IL1RN: variants seen among roughly 807,000 people sequenced by gnomAD.
The protein encoded by IL1RN is interleukin 1 receptor antagonist.
A neutral mutation model predicts 13.7 loss-of-function variants in IL1RN; 10 were observed. The observed-to-expected ratio is 0.73, with a 90% CI of 0.45 to 1.24. The LOEUF (loss-of-function observed/expected upper bound fraction) is 1.24. Ranked by LOEUF, IL1RN falls within the 50% of genes most tolerant of loss-of-function variation. The pLI, the probability that IL1RN is intolerant of heterozygous loss-of-function variation, is 0.00. For missense variants in IL1RN, 213 were observed against 222.1 expected (o/e 0.96, Z 0.26); for synonymous variants, 102 against 82.7 (o/e 1.23, Z -1.27).
upstream of IL1RN, among the ~76,000 whole-genome samples, chr2:113,106,874 A>G (rs1383974842): frequency 6.9e-6 from 1 of 145,302 alleles, no homozygotes; most frequent in African/African-American, 2.7e-5. Flanking sequence ...AAGAATAACA[A>G]ATGAACTGGC....
chr2:113,129,738 C>CA, intron 2 of IL1RN, 74 bp downstream of exon 2: 1 of 954,974 alleles, frequency 1.0e-6, no homozygotes, highest in Non-Finnish European at 1.7e-6. Flanking sequence ...GCAGCATGGC[C>CA]TGCCTGCACA....
chr2:113,119,261 A>G lies in IL1RN; in HGVS notation c.11-805A>G, dbSNP rs796437734. On this transcript the variant is annotated intron_variant, in intron 1 of 5. Transcript: ENST00000259206. ...CTAGGCGCCTTGCTGAGCACTTTAC[A>G]TGGTTTATCCCACTGAACCCTCTCA... 1.2e-4 allele frequency among the ~76,000 whole-genome samples: 19 copies of G among 152,278 alleles called. 1 individual carries two copies. The highest frequency in any genetic ancestry group is 4.6e-4 in the African/African-American group (19 of 41,546).
upstream of IL1RN, among the ~76,000 whole-genome samples, chr2:113,125,493 A>G (rs549230417): frequency 6.6e-6 from 1 of 152,362 alleles, no homozygotes; most frequent in Non-Finnish European, 1.5e-5. Flanking sequence ...GAAAAAATCC[A>G]TCACCCAGGG....
At position 113,133,174 on chromosome 2, in the gene IL1RN, C is replaced by G. The variant is rs766555019; in HGVS notation, c.*303C>G. The stretch of plus-strand genomic sequence containing the variant: ...ACCCCGACCACCTGCCCAACCTGCT[C>G]TCCTCTTGCCACTGCCTCTTCCTCC... On this transcript the variant is annotated 3_prime_UTR_variant, in exon 4 of 4. Coordinates refer to ENST00000409930, the MANE Select transcript of IL1RN (RefSeq NM_173842.3). 14 of 460,758 alleles carry G rather than the reference C, an allele frequency of 3.0e-5. No individual in the cohort carries two copies. The highest frequency in any genetic ancestry group is 6.4e-4 in the Middle Eastern group (1 of 1,564). 28.5% of individuals were successfully genotyped at this position (460,758 alleles called of 1,614,324 possible).
Position 113,133,074 on chromosome 2 carries a change from C to A in IL1RN, c.*203C>A. 1 of 643,302 alleles carries A rather than the reference C, an allele frequency of 1.6e-6. No individual in the cohort carries two copies. Among genetic ancestry groups the A allele is most frequent in the Admixed American group, 2.3e-5 (1 of 42,880 alleles). 39.8% of individuals were successfully genotyped at this position (643,302 alleles called of 1,614,324 possible). ...GCCTCCATGCTGCCTCCAGAATGGTCTTTCTAATGTGTGAATCAGAGCACA... is the reference window on the plus strand; with the variant it reads ...GCCTCCATGCTGCCTCCAGAATGGTATTTCTAATGTGTGAATCAGAGCACA... On this transcript the variant is annotated 3_prime_UTR_variant, in exon 4 of 4. Transcript: ENST00000409930.
chr2:113,099,723 C>CT, the IL1RN span, among the ~76,000 whole-genome samples: 7,073 of 71,542 alleles, frequency 0.099, 1,792 homozygotes, highest in Non-Finnish European at 0.13. Flanking sequence ...CCTCTTCTTT[C>CT]TTTTCTTTTT....
At position 113,132,965 on chromosome 2, in the gene IL1RN, T is replaced by A; in HGVS notation, c.*94T>A. 6 of 1,208,274 alleles carry A rather than the reference T, an allele frequency of 5.0e-6. No individual in the cohort carries two copies. Among genetic ancestry groups the A allele is most frequent in the South Asian group, 4.9e-5 (4 of 81,742 alleles). 74.8% of individuals were successfully genotyped at this position (1,208,274 alleles called of 1,614,324 possible). The stretch of plus-strand genomic sequence containing the variant: ...CCAGGGCTCCCGGCTATGGGGGCAC[T>A]GAGGACCAGCCATTGAGGGGTGGAC... On this transcript the variant is annotated 3_prime_UTR_variant, in exon 4 of 4. Transcript: ENST00000409930.
upstream of IL1RN, among the ~76,000 whole-genome samples, chr2:113,107,598 TG>T (rs1438449779): frequency 6.8e-6 from 1 of 148,102 alleles, no homozygotes; most frequent in African/African-American, 2.5e-5. Context: ...CCATGTGTGG[TG>T]GTGTGCACCT....
upstream of IL1RN, among the ~76,000 whole-genome samples, chr2:113,113,472 T>C (rs1033015559): frequency 2.0e-5 from 3 of 152,136 alleles, no homozygotes; most frequent in Non-Finnish European, 4.4e-5. Flanking sequence ...TTATACAAGA[T>C]AAATAAGTTC....
At position 113,119,209 on chromosome 2, in the gene IL1RN, C is replaced by G. The variant is rs188612406; in HGVS notation, c.11-857C>G. Among the ~76,000 whole-genome samples, 475 of 152,284 alleles carry G rather than the reference C, an allele frequency of 3.1e-3. 5 individuals carry two copies. The highest frequency in any genetic ancestry group is 0.011 in the African/African-American group (454 of 41,554). On this transcript the variant is annotated intron_variant, in intron 1 of 5. Coordinates refer to the IL1RN transcript ENST00000259206. Reference sequence around the variant, plus strand: ...AGTAAGCACAGTGGAAGTGTCAGCTCTTAATGGGTCATGGACACGTTACAA... The same window carrying G: ...AGTAAGCACAGTGGAAGTGTCAGCTGTTAATGGGTCATGGACACGTTACAA...
chr2:113,129,461 C>A (rs1687080853), intron 1 of IL1RN, 115 bp from the exon 2 acceptor site: 7 of 770,832 alleles, frequency 9.1e-6, no homozygotes, highest in East Asian at 4.9e-5. Context: ...AAATACTATA[C>A]CCCTGGAAGA....
intron 1 of IL1RN, among the ~76,000 whole-genome samples, chr2:113,128,925 C>T (rs1442977956): frequency 2.0e-5 from 3 of 152,140 alleles, no homozygotes; most frequent in Non-Finnish European, 4.4e-5. Flanking sequence ...GAGAGGAAGC[C>T]GGGTTGTTCC....
upstream of IL1RN, among the ~76,000 whole-genome samples, chr2:113,122,681 AG>A (rs1387809159): frequency 2.3e-4 from 35 of 152,174 alleles, no homozygotes; most frequent in Non-Finnish European, 1.0e-4. Flanking sequence ...CCTTTTATTC[AG>A]TTTTTTAAAA....
intron 2 of IL1RN, chr2:113,121,720 G>A (rs3213448): frequency 0.14 from 83,304 of 605,236 alleles, 7,040 homozygotes; most frequent in East Asian, 0.58. Context: ...GAGAGCAGAG[G>A]TGGTCACCCT....
At chr2:113,118,093 G>A in intron 1 of IL1RN, 2 of 1,612,728 alleles carry the variant, frequency 1.2e-6, no homozygotes, top group Non-Finnish European at 8.5e-7. Flanking sequence ...TACAATTGGT[G>A]TTTATCAAAT....
At chr2:113,122,104 C>G (rs1686799562) in intron 2 of IL1RN, among the ~76,000 whole-genome samples, 1 of 152,216 alleles carries the variant, frequency 6.6e-6, no homozygotes. Flanking sequence ...GCCGAAGCCA[C>G]TAAATGTGAG....
upstream of IL1RN, among the ~76,000 whole-genome samples, chr2:113,123,778 C>T (rs4251997): frequency 7.0e-4 from 106 of 152,118 alleles, 1 homozygote; most frequent in African/African-American, 2.4e-3. Flanking sequence ...GGGCAGCCTT[C>T]GAAAGAACTG....
At chr2:113,107,590 A>G (rs939178619), upstream of IL1RN, among the ~76,000 whole-genome samples, 3 of 146,658 alleles carry the variant, frequency 2.0e-5, no homozygotes, top group East Asian at 2.0e-4. Context: ...AAAAATAGCC[A>G]TGTGTGGTGG....
At chr2:113,113,074 G>A (rs1686527848), upstream of IL1RN, 1 of 152,196 alleles carries the variant, frequency 6.6e-6, no homozygotes, top group South Asian at 2.1e-4. Flanking sequence ...GTATCGGTCT[G>A]AGTTGGGTCA....
Sources: allele counts gnomAD v4.1 joint callset (sites outside exome capture counted in the v4.1 genomes callset), GRCh38; gene constraint gnomAD v4.1.1; transcripts MANE v1.5; gene names NCBI Gene and HGNC (gene_info 2026-07-23, HGNC 2026-07-21).